SDK1: variants seen among roughly 807,000 people sequenced by gnomAD.
SDK1 encodes protein sidekick-1.
In SDK1, 157 loss-of-function variants were observed where a neutral mutation model predicts 245.5. The ratio of observed to expected loss-of-function variants is 0.64; its 90% CI spans 0.56 to 0.73. The LOEUF is 0.73. Among genes scored for constraint, SDK1 ranks in the 30% least tolerant of loss-of-function variants. The pLI, the probability that SDK1 is intolerant of heterozygous loss-of-function variation, is 0.00. For synonymous variants in SDK1, 1,647 were observed against 1,278.5 expected, an observed-to-expected ratio of 1.29 and a Z score of -6.15; for missense variants, 3,583 against 3,002.3, an observed-to-expected ratio of 1.19 and a Z score of -4.52.
chr7:3,407,943 G>C (rs796471223), intron 1 of SDK1, among the ~76,000 whole-genome samples: 4 of 152,292 alleles, frequency 2.6e-5, no homozygotes, highest in African/African-American at 9.6e-5. Flanking sequence ...TGGATGAGAA[G>C]GGTATAAGCA....
At chr7:4,082,286 C>A (rs913639381) in intron 22 of SDK1, among the ~76,000 whole-genome samples, 2 of 151,892 alleles carry the variant, frequency 1.3e-5, no homozygotes, top group African/African-American at 4.8e-5. Flanking sequence ...ACCTGTAATC[C>A]ACACTTTAGG....
intron 31 of SDK1, among the ~76,000 whole-genome samples, chr7:4,160,630 G>T (rs2128212104): frequency 6.6e-6 from 1 of 152,296 alleles, no homozygotes; most frequent in South Asian, 2.1e-4. Flanking sequence ...GTTTACTGAT[G>T]AACAGTTTCT....
intron 38 of SDK1, among the ~76,000 whole-genome samples, chr7:4,218,320 G>T (rs1784949803): frequency 6.6e-6 from 1 of 152,146 alleles, no homozygotes; most frequent in South Asian, 2.1e-4. Context: ...TTGAACTCAG[G>T]AGGTGGAGGT....
At chr7:3,864,997 C>T (rs761029475) in intron 5 of SDK1, among the ~76,000 whole-genome samples, 7 of 152,202 alleles carry the variant, frequency 4.6e-5, no homozygotes, top group Non-Finnish European at 8.8e-5. Context: ...CTCAGGGGTG[C>T]TAACTCTGAG....
At chr7:3,868,652 C>T (rs554958791) in intron 5 of SDK1, among the ~76,000 whole-genome samples, 1 of 152,164 alleles carries the variant, frequency 6.6e-6, no homozygotes, top group Non-Finnish European at 1.5e-5. Context: ...GCATTCTGCC[C>T]TGATAAAGTC....
chr7:4,236,746 G>C (rs187954353), intron 41 of SDK1, among the ~76,000 whole-genome samples: 1 of 152,084 alleles, frequency 6.6e-6, no homozygotes, highest in African/African-American at 2.4e-5. Flanking sequence ...AGGAGGAGGC[G>C]TAACAGGTGG....
chr7:3,789,804 C>T (rs1326517180), intron 4 of SDK1, among the ~76,000 whole-genome samples: 2 of 152,024 alleles, frequency 1.3e-5, no homozygotes, highest in African/African-American at 4.8e-5. Context: ...GGATAGAAAG[C>T]ACTTGGAGAC....
chr7:3,401,444 G>C (rs908911621), intron 1 of SDK1, among the ~76,000 whole-genome samples: 3 of 152,154 alleles, frequency 2.0e-5, no homozygotes, highest in African/African-American at 7.2e-5. Flanking sequence ...TTTTGAGAGA[G>C]AGCATCTGTA....
intron 27 of SDK1, 125 bp from the exon 28 acceptor site, chr7:4,132,199 TA>T: frequency 4.2e-6 from 3 of 715,810 alleles, no homozygotes; most frequent in Non-Finnish European, 7.2e-6. Context: ...TAGGGGGTTC[TA>T]AACCCACGAC....
chr7:3,409,279 T>C (rs942001473), intron 1 of SDK1, among the ~76,000 whole-genome samples: 3 of 144,694 alleles, frequency 2.1e-5, no homozygotes, highest in Non-Finnish European at 4.5e-5. Context: ...TGATGGTCTG[T>C]TTTAAGATTC....
chr7:4,140,787 G>C (rs1050411193), intron 28 of SDK1, among the ~76,000 whole-genome samples: 4 of 152,146 alleles, frequency 2.6e-5, no homozygotes, highest in African/African-American at 7.2e-5. Flanking sequence ...CCCCTAATAA[G>C]CTGTGTCTCC....
At chr7:3,401,754 G>C (rs759848911) in intron 1 of SDK1, among the ~76,000 whole-genome samples, 1 of 151,820 alleles carries the variant, frequency 6.6e-6, no homozygotes. Flanking sequence ...ACTAGTATTA[G>C]AATGTATGAA....
At position 3,301,362 on chromosome 7, in the gene SDK1, C is replaced by G. The variant is rs1779247213; in HGVS notation, c.-225C>G. On this transcript the variant is annotated 5_prime_UTR_variant, in exon 1 of 45. Transcript: ENST00000404826. ...CTCGGGACTGCGTGAGCGCCGGACG[C>G]GAATTTCCCCCGTTGACAACTTCTT... is the stretch of plus-strand genomic sequence containing the variant. 1 of 147,850 alleles carries G rather than the reference C, an allele frequency of 6.8e-6. No individual in the cohort carries two copies. The highest frequency in any genetic ancestry group is 6.8e-5 in the Admixed American group (1 of 14,812). 9.2% of individuals were successfully genotyped at this position (147,850 alleles called of 1,614,324 possible). A position where few individuals can be genotyped will look rare whatever the true frequency, so the allele number is the denominator to read the frequency against.
chr7:4,237,797 C>T lies in SDK1; in HGVS notation c.6130+13C>T, dbSNP rs1236077599. ...AACTGCAGCACAGGTGCAGGTCCAG[C>T]CCCTTCCTCGCGTGTCCCACGATGC... On this transcript the variant is annotated intron_variant, in intron 42 of 44. Coordinates refer to ENST00000404826, the MANE Select transcript of SDK1 (RefSeq NM_152744.4). 5.6e-6 allele frequency: 9 copies of T among 1,613,976 alleles called. No individual in the cohort carries two copies. Among genetic ancestry groups the T allele is most frequent in the Non-Finnish European group, 7.6e-6 (9 of 1,179,900 alleles).
intron 19 of SDK1, among the ~76,000 whole-genome samples, chr7:4,053,760 A>G (rs1183271043): frequency 2.0e-5 from 3 of 152,170 alleles, no homozygotes; most frequent in Non-Finnish European, 4.4e-5. Flanking sequence ...GAGACCAACA[A>G]TCAATCCCTC....
At position 3,573,696 on chromosome 7, in the gene SDK1, A is replaced by G. The variant is rs769676255; in HGVS notation, c.299-45384A>G. ...TACTCCTGATTAGCTCAGGGCCAAC[A>G]CTAAAACTAGAAAGCTGGAGGCTTT... On this transcript the variant is annotated intron_variant, in intron 1 of 44. Transcript: ENST00000404826. Among the ~76,000 whole-genome samples the G allele has an allele frequency of 9.7e-4, 148 of 152,090 alleles. 3 individuals are homozygous for G. The highest frequency in any genetic ancestry group is 1.1e-3 in the Non-Finnish European group (73 of 67,914).
At chr7:3,322,134 C>G (rs989830653) in intron 1 of SDK1, among the ~76,000 whole-genome samples, 4 of 151,698 alleles carry the variant, frequency 2.6e-5, no homozygotes, top group Non-Finnish European at 1.5e-5. Flanking sequence ...GGGACAGTTT[C>G]ATCCCCCACC....
intron 5 of SDK1, among the ~76,000 whole-genome samples, chr7:3,922,682 C>G (rs1369894129): frequency 6.6e-6 from 1 of 152,216 alleles, no homozygotes. Context: ...TGTCTGCACT[C>G]TTGTCAGTTT....
intron 14 of SDK1, among the ~76,000 whole-genome samples, chr7:3,990,889 C>G (rs1026935919): frequency 6.6e-6 from 1 of 152,246 alleles, no homozygotes; most frequent in Non-Finnish European, 1.5e-5. Context: ...ACTGGCTCCT[C>G]CAGCCAGTTA....
Sources: allele counts gnomAD v4.1 joint callset (sites outside exome capture counted in the v4.1 genomes callset), GRCh38; gene constraint gnomAD v4.1.1; transcripts MANE v1.5; gene names NCBI Gene and HGNC (gene_info 2026-07-23, HGNC 2026-07-21).